Variants in FOXN2 observed in about 807,000 individuals in gnomAD.
FOXN2 encodes forkhead box N2, also known as forkhead box protein N2.
Under a neutral mutation model 41.2 loss-of-function variants are expected in FOXN2, and 19 were observed. The observed-to-expected ratio is 0.46, with a 90% CI of 0.32 to 0.68. The LOEUF is 0.68. Ranked by LOEUF, FOXN2 falls within the 30% of genes least tolerant of loss-of-function variation. The pLI is 0.03. For synonymous variants in FOXN2, 195 were observed against 176.8 expected, an observed-to-expected ratio of 1.10 and a Z score of -0.82; for missense variants, 587 against 509.4, an observed-to-expected ratio of 1.15 and a Z score of -1.47.
chr2:48,351,544 G>A (rs1466442088), intron 3 of FOXN2, among the ~76,000 whole-genome samples: 1 of 152,166 alleles, frequency 6.6e-6, no homozygotes, highest in Non-Finnish European at 1.5e-5. Flanking sequence ...GCTACCTGAG[G>A]TGGGGACATG....
intron 5 of FOXN2, among the ~76,000 whole-genome samples, chr2:48,368,549 G>A (rs1217396718): frequency 2.0e-5 from 3 of 152,074 alleles, no homozygotes; most frequent in East Asian, 1.9e-4. Flanking sequence ...AAAATTAGCC[G>A]GGCGTGGTGG....
intron 5 of FOXN2, among the ~76,000 whole-genome samples, chr2:48,368,809 A>G (rs905628069): frequency 1.3e-5 from 2 of 152,262 alleles, no homozygotes; most frequent in Admixed American, 1.3e-4. Context: ...CCTTGGACAA[A>G]TCATTGATAA....
At chr2:48,373,160 T>G in intron 5 of FOXN2, 132 bp from the exon 6 acceptor site, 1 of 600,130 alleles carries the variant, frequency 1.7e-6, no homozygotes, top group Non-Finnish European at 2.9e-6. Flanking sequence ...TCATTTTTGT[T>G]TGATGTGCGT....
intron 2 of FOXN2, among the ~76,000 whole-genome samples, chr2:48,342,181 T>G (rs1300111935): frequency 1.3e-5 from 2 of 152,170 alleles, no homozygotes; most frequent in African/African-American, 4.8e-5. Context: ...TTTGTATGTA[T>G]TTTTTACTTT....
chr2:48,325,797 G>T (rs749005908), intron 1 of FOXN2, among the ~76,000 whole-genome samples: 1 of 151,726 alleles, frequency 6.6e-6, no homozygotes, highest in Non-Finnish European at 1.5e-5. Context: ...GTAGAACTGG[G>T]GCCCCTCCAT....
chr2:48,375,511 C>T lies in FOXN2; in HGVS notation c.*68C>T. 2 of 1,408,044 alleles carry T rather than the reference C, an allele frequency of 1.4e-6. No individual in the cohort carries two copies. The highest frequency in any genetic ancestry group is 1.9e-6 in the Non-Finnish European group (2 of 1,053,540). 87.2% of individuals were successfully genotyped at this position (1,408,044 alleles called of 1,614,324 possible). On this transcript the variant is annotated 3_prime_UTR_variant, in exon 7 of 7. Transcript: ENST00000340553. ...CAAGGGATATCAAAGCCATAATGGACTTCATTAGTTTTAGGGTAGGGAAGG... is the reference window on the plus strand; with the variant it reads ...CAAGGGATATCAAAGCCATAATGGATTTCATTAGTTTTAGGGTAGGGAAGG...
chr2:48,319,783 T>C (rs925750632), intron 1 of FOXN2, among the ~76,000 whole-genome samples: 6 of 146,556 alleles, frequency 4.1e-5, no homozygotes, highest in Non-Finnish European at 6.0e-5. Context: ...GCTAATTTTT[T>C]AATTTTTTTT....
chr2:48,372,342 T>C (rs2104531966), intron 5 of FOXN2, among the ~76,000 whole-genome samples: 1 of 152,312 alleles, frequency 6.6e-6, no homozygotes, highest in South Asian at 2.1e-4. Context: ...CATGGCTTTA[T>C]TATCTACAAT....
chr2:48,354,587 A>G (rs1671664659), intron 3 of FOXN2, among the ~76,000 whole-genome samples: 1 of 152,264 alleles, frequency 6.6e-6, no homozygotes, highest in South Asian at 2.1e-4. Flanking sequence ...CAACAGAGCG[A>G]GACTTCGTCT....
chr2:48,378,413 G>A lies in FOXN2; in HGVS notation c.*2970G>A, dbSNP rs891000292. ...TTTTTTCTTTTTGCTACTTTCTGAG[G>A]CATTATGTAAAGGGCTCATACTAGA... is the stretch of plus-strand genomic sequence containing the variant. On this transcript the variant is annotated 3_prime_UTR_variant, in exon 7 of 7. Coordinates refer to ENST00000340553, the MANE Select transcript of FOXN2 (RefSeq NM_002158.4). 3 of 150,340 alleles carry A rather than the reference G, an allele frequency of 2.0e-5. No homozygotes were observed. Among genetic ancestry groups the A allele is most frequent in the African/African-American group, 7.4e-5 (3 of 40,696 alleles). 9.3% of individuals were successfully genotyped at this position (150,340 alleles called of 1,614,324 possible). A position where few individuals can be genotyped will look rare whatever the true frequency, so the allele number is the denominator to read the frequency against.
intron 1 of FOXN2, among the ~76,000 whole-genome samples, chr2:48,315,802 C>G (rs1372243705): frequency 1.3e-5 from 2 of 152,254 alleles, no homozygotes; most frequent in African/African-American, 4.8e-5. Context: ...ACGACCCACA[C>G]TCTCGCAGTG....
At chr2:48,322,102 C>T (rs1049222420) in intron 1 of FOXN2, among the ~76,000 whole-genome samples, 5 of 152,104 alleles carry the variant, frequency 3.3e-5, no homozygotes, top group Non-Finnish European at 7.4e-5. Context: ...TGTGCCACCA[C>T]GCCTAGCTAA....
intron 5 of FOXN2, among the ~76,000 whole-genome samples, chr2:48,372,778 ATAAT>A (rs1398864486): frequency 1.3e-5 from 2 of 152,128 alleles, no homozygotes; most frequent in Non-Finnish European, 2.9e-5. Context: ...TTGTTTCTGC[ATAAT>A]TATTCACTTA....
At chr2:48,347,220 CT>C (rs751958598) in intron 3 of FOXN2, among the ~76,000 whole-genome samples, 12,845 of 76,144 alleles carry the variant, frequency 0.17, 793 homozygotes, top group South Asian at 0.25. Context: ...TGTTTTGGTG[CT>C]TTTTTTTTTT....
At chr2:48,320,567 G>C (rs540786593) in intron 1 of FOXN2, among the ~76,000 whole-genome samples, 27 of 152,250 alleles carry the variant, frequency 1.8e-4, no homozygotes, top group African/African-American at 6.3e-4. Flanking sequence ...TGGAATTACA[G>C]GTGTGAGCCA....
chr2:48,356,427 C>A (rs528267828), intron 3 of FOXN2, among the ~76,000 whole-genome samples: 2 of 151,632 alleles, frequency 1.3e-5, no homozygotes, highest in Admixed American at 1.3e-4. Flanking sequence ...ATTGACACAG[C>A]GAGACTGTCT....
chr2:48,331,786 C>T (rs902719639), intron 2 of FOXN2, among the ~76,000 whole-genome samples: 7 of 150,566 alleles, frequency 4.6e-5, no homozygotes, highest in African/African-American at 7.3e-5. Context: ...CACTGCACTC[C>T]GGCCTCGGTG....
intron 1 of FOXN2, among the ~76,000 whole-genome samples, chr2:48,327,108 CT>C (rs1669727785): frequency 6.6e-6 from 1 of 152,012 alleles, no homozygotes; most frequent in Admixed American, 6.6e-5. Context: ...CTTTCCTGAA[CT>C]TTACGTCACG....
intron 3 of FOXN2, among the ~76,000 whole-genome samples, chr2:48,349,642 G>A (rs1449464881): frequency 2.0e-5 from 3 of 152,196 alleles, no homozygotes; most frequent in Non-Finnish European, 4.4e-5. Flanking sequence ...AGACATGGTG[G>A]CATATGCCTG....
Sources: gnomAD v4.1 joint callset for allele counts (sites outside exome capture counted in the v4.1 genomes callset) on GRCh38, gnomAD v4.1.1 for gene constraint, MANE v1.5 for transcripts, NCBI Gene and HGNC (gene_info 2026-07-23, HGNC 2026-07-21) for gene names.